Variants in EZH1 observed in about 807,000 individuals in gnomAD.
EZH1 encodes the protein enhancer of zeste 1 polycomb repressive complex 2 subunit, also known as histone-lysine N-methyltransferase EZH1.
In EZH1, 33 loss-of-function variants were observed where a neutral mutation model predicts 100.5. That is an observed-to-expected ratio of 0.33 (90% CI 0.25 to 0.44). The LOEUF (loss-of-function observed/expected upper bound fraction) is 0.44. EZH1 is among the 20% of genes least tolerant of loss of function. The pLI is 1.00. For synonymous variants in EZH1, 272 were observed against 313.8 expected, an observed-to-expected ratio of 0.87 and a Z score of 1.41; for missense variants, 475 against 928.4, an observed-to-expected ratio of 0.51 and a Z score of 6.35.
intron 20 of EZH1, 140 bp from the exon 21 acceptor site, chr17:42,702,732 G>T: frequency 8.0e-7 from 1 of 1,255,890 alleles, no homozygotes; most frequent in Non-Finnish European, 1.2e-6. Context: ...CAAGGCACCA[G>T]ATATCAGAAC....
intron 1 of EZH1, among the ~76,000 whole-genome samples, chr17:42,732,704 G>C (rs1046916211): frequency 6.6e-6 from 1 of 152,214 alleles, no homozygotes; most frequent in African/African-American, 2.4e-5. Flanking sequence ...AGGGGGCGGA[G>C]CCTGCAGTGA....
intron 10 of EZH1, among the ~76,000 whole-genome samples, chr17:42,716,162 G>GA (rs200184161): frequency 4.7e-5 from 7 of 150,382 alleles, no homozygotes; most frequent in East Asian, 1.9e-4. Context: ...TGGTACAGCT[G>GA]AAAAAAAAAT....
At position 42,728,892 on chromosome 17, in the gene EZH1, C is replaced by G; in HGVS notation, c.50G>C (p.Arg17Thr). The change falls in exon 3 of 21, where the codon AGA (arginine) becomes ACA (threonine). Residue 17 changes from arginine (R) to threonine (T), a missense_variant. Arg to Thr is a moderately conservative substitution (Grantham distance 71). Around this residue, in one of 8 missense-constraint regions of EZH1, gnomAD observed 105 missense variants for 129.8 expected, o/e 0.81. Coordinates refer to ENST00000428826, the MANE Select transcript of EZH1 (RefSeq NM_001991.5). ...PTSKCITYWK[R>T]KVKSEYMRLR... is the part of the protein sequence containing the mutation. ...TCGCATGTATTCAGATTTCACTTTT[C>G]TTTTCCAGTAAGTGATACATTTGGA... 1 of 1,613,542 alleles carries G rather than the reference C, an allele frequency of 6.2e-7. No individual in the cohort carries two copies. The highest frequency in any genetic ancestry group is 8.5e-7 in the Non-Finnish European group (1 of 1,179,778).
intron 11 of EZH1, 124 bp downstream of exon 11, chr17:42,713,084 TA>T: frequency 1.2e-6 from 1 of 859,680 alleles, no homozygotes; most frequent in Non-Finnish European, 1.7e-6. Flanking sequence ...CTTTACTGTT[TA>T]CAAAACTTGT....
intron 2 of EZH1, among the ~76,000 whole-genome samples, 186 bp downstream of exon 2, chr17:42,730,642 G>A (rs907609338): frequency 8.7e-5 from 13 of 150,086 alleles, no homozygotes; most frequent in African/African-American, 2.4e-4. Flanking sequence ...GACTACAGGC[G>A]CCCGCTACCA....
intron 1 of EZH1, among the ~76,000 whole-genome samples, chr17:42,731,144 G>A (rs1239051278): frequency 2.6e-5 from 4 of 151,494 alleles, no homozygotes; most frequent in Non-Finnish European, 5.9e-5. Context: ...TAAAGACAGA[G>A]TCTCACTCTG....
chr17:42,730,378 T>C (rs2053915992), intron 2 of EZH1, among the ~76,000 whole-genome samples: 1 of 151,750 alleles, frequency 6.6e-6, no homozygotes. Flanking sequence ...ATGACAGCAG[T>C]ATAATCTCAT....
At chr17:42,707,893 G>T (rs2053391842) in intron 15 of EZH1, 65 bp downstream of exon 15, 1 of 1,604,452 alleles carries the variant, frequency 6.2e-7, no homozygotes, top group Non-Finnish European at 8.5e-7. Context: ...CAGGAATGGG[G>T]CAAGCCTAGG....
At position 42,745,010 on chromosome 17, in the gene EZH1, C is replaced by G; in HGVS notation, c.-103+1G>C. The G allele has an allele frequency of 7.9e-7, 1 of 1,273,816 alleles. No homozygotes were observed. Among genetic ancestry groups the G allele is most frequent in the Non-Finnish European group, 1.0e-6 (1 of 982,810 alleles). 78.9% of individuals were successfully genotyped at this position (1,273,816 alleles called of 1,614,324 possible). A position where few individuals can be genotyped will look rare whatever the true frequency, so the allele number is the denominator to read the frequency against. On this transcript the variant is annotated splice_donor_variant, in intron 1 of 20. Transcript: ENST00000428826. LOFTEE classifies it low-confidence loss of function (5UTR_SPLICE). ...CGGCCCAGGCTTGTTTACTCACTCA[C>G]CCTCCATCCCGAGCCGCGGGTCCCG...
intron 10 of EZH1, among the ~76,000 whole-genome samples, chr17:42,713,828 T>G (rs2053538614): frequency 6.6e-6 from 1 of 152,204 alleles, no homozygotes; most frequent in African/African-American, 2.4e-5. Flanking sequence ...GTGAGTTGTA[T>G]CTAAAATTAA....
rs779488457 is a variant in EZH1, at chr17:42,727,771, A to G, written c.118-8T>C. On this transcript the variant is annotated splice_polypyrimidine_tract_variant and splice_region_variant and intron_variant, in intron 3 of 20. Coordinates refer to ENST00000428826, the MANE Select transcript of EZH1 (RefSeq NM_001991.5). ...ATTTGCCACATACAAAGCCTAGCAA[A>G]GCCATGGAAAAGATTAAGATATATT... 14 of 1,583,358 alleles carry G rather than the reference A, an allele frequency of 8.8e-6. No individual in the cohort carries two copies. The Admixed American group carries it at 2.7e-4, about 30-fold the overall frequency.
chr17:42,741,548 A>G (rs1422808565), intron 1 of EZH1, among the ~76,000 whole-genome samples: 1 of 152,242 alleles, frequency 6.6e-6, no homozygotes, highest in East Asian at 1.9e-4. Context: ...TAAGACCAGA[A>G]AAAGATATAC....
intron 6 of EZH1, among the ~76,000 whole-genome samples, chr17:42,721,097 C>A (rs2053697460): frequency 6.6e-6 from 1 of 152,214 alleles, no homozygotes; most frequent in Non-Finnish European, 1.5e-5. Context: ...GGCTTTGCTG[C>A]TGATGGGTCA....
At chr17:42,719,345 T>A in intron 7 of EZH1, 138 bp from the exon 8 acceptor site, 1 of 673,328 alleles carries the variant, frequency 1.5e-6, no homozygotes, top group Non-Finnish European at 2.6e-6. Flanking sequence ...TTTGGAGATA[T>A]ATAAACATCA....
chr17:42,715,706 T>C (rs1279445434), intron 10 of EZH1, among the ~76,000 whole-genome samples: 1 of 152,080 alleles, frequency 6.6e-6, no homozygotes, highest in Non-Finnish European at 1.5e-5. Context: ...CTGGAACTTT[T>C]AAAAAGATTT....
At chr17:42,710,635 T>C (rs552427752) in intron 12 of EZH1, among the ~76,000 whole-genome samples, 1 of 150,400 alleles carries the variant, frequency 6.6e-6, no homozygotes, top group Admixed American at 6.6e-5. Flanking sequence ...GTTTGTTTTT[T>C]TTTTTTTTTT....
chr17:42,729,156 C>A, intron 2 of EZH1: 1 of 446,814 alleles, frequency 2.2e-6, no homozygotes, highest in Non-Finnish European at 3.9e-6. Context: ...CCTGTAAAAC[C>A]AACACTTTAG....
intron 18 of EZH1, among the ~76,000 whole-genome samples, 180 bp downstream of exon 18, chr17:42,704,422 T>C (rs774860310): frequency 1.8e-4 from 28 of 151,946 alleles, no homozygotes; most frequent in Non-Finnish European, 2.8e-4. Flanking sequence ...GTGCTTGTAG[T>C]CCCAGCTACT....
At chr17:42,727,110 G>C (rs948282640) in intron 4 of EZH1, among the ~76,000 whole-genome samples, 1 of 150,230 alleles carries the variant, frequency 6.7e-6, no homozygotes, top group Non-Finnish European at 1.5e-5. Context: ...TCAGCCTCCC[G>C]AAGTGCTGAG....
Sources: allele counts gnomAD v4.1 joint callset (sites outside exome capture counted in the v4.1 genomes callset), GRCh38; gene constraint gnomAD v4.1.1; regional missense constraint gnomAD v4.1.1; transcripts MANE v1.5; gene names NCBI Gene and HGNC (gene_info 2026-07-23, HGNC 2026-07-21).